ASAP1: variants seen among roughly 807,000 people sequenced by gnomAD.
ASAP1 encodes arf-GAP with SH3 domain, ANK repeat and PH domain-containing protein 1.
A neutral mutation model predicts 145.2 loss-of-function variants in ASAP1; 43 were observed. The ratio of observed to expected loss-of-function variants is 0.30; its 90% CI spans 0.23 to 0.38. The LOEUF (loss-of-function observed/expected upper bound fraction) is 0.38, where lower values mean the gene tolerates loss of function less well. ASAP1 is among the 10% of genes least tolerant of loss of function. The pLI, the probability that ASAP1 is intolerant of heterozygous loss-of-function variation, is 1.00. For synonymous variants in ASAP1, 546 were observed against 515.5 expected (o/e 1.06, Z -0.80); for missense variants, 1,018 against 1,355.3 (o/e 0.75, Z 3.91).
rs142087192 is a variant in ASAP1, at chr8:130,326,320, T to C, written c.186+31697A>G. ...ATGATTACAGTACTCATGCACCGACTTGCAAAGCCTGTGAATTCACCTGCC... is the reference window on the plus strand; with the variant it reads ...ATGATTACAGTACTCATGCACCGACCTGCAAAGCCTGTGAATTCACCTGCC... On this transcript the variant is annotated intron_variant, in intron 3 of 29. Coordinates refer to ENST00000518721, the MANE Select transcript of ASAP1 (RefSeq NM_018482.4). 1.2e-4 allele frequency among the ~76,000 whole-genome samples: 19 copies of C among 152,364 alleles called. No individual in the cohort carries two copies. The East Asian group carries it at 2.5e-3, about 20-fold the overall frequency.
In ASAP1 at chr8:130,395,628, G is replaced by A. The variant is rs1828491645; in HGVS notation, c.59+6257C>T. Reference sequence around the variant, plus strand: ...AGAGGAAGCACGACACTGCCAACACGTTGATCTTGAACTTCTGGCCTCCAA... The same window carrying A: ...AGAGGAAGCACGACACTGCCAACACATTGATCTTGAACTTCTGGCCTCCAA... On this transcript the variant is annotated intron_variant, in intron 2 of 29. Coordinates refer to ENST00000518721, the MANE Select transcript of ASAP1 (RefSeq NM_018482.4). 2.0e-5 allele frequency among the ~76,000 whole-genome samples: 3 copies of A among 151,978 alleles called. No homozygotes were observed. The South Asian group carries it at 6.2e-4, about 32-fold the overall frequency.
At chr8:130,357,382 C>T (rs915297642) in intron 3 of ASAP1, among the ~76,000 whole-genome samples, 5 of 152,230 alleles carry the variant, frequency 3.3e-5, no homozygotes, top group African/African-American at 9.6e-5. Flanking sequence ...CAGCCCTAAG[C>T]CCTACCAAAC....
intron 3 of ASAP1, among the ~76,000 whole-genome samples, chr8:130,346,242 A>C (rs1825697202): frequency 6.6e-6 from 1 of 152,242 alleles, no homozygotes; most frequent in African/African-American, 2.4e-5. Context: ...ATACGTGAAC[A>C]TGAATAAGAA....
intron 4 of ASAP1, among the ~76,000 whole-genome samples, chr8:130,235,637 A>G (rs1354402920): frequency 6.6e-6 from 1 of 152,226 alleles, no homozygotes; most frequent in African/African-American, 2.4e-5. Flanking sequence ...TTAGTTATCT[A>G]CCTTAATGAG....
intron 3 of ASAP1, among the ~76,000 whole-genome samples, chr8:130,321,560 G>A (rs1824006902): frequency 6.6e-6 from 1 of 151,874 alleles, no homozygotes; most frequent in Admixed American, 6.6e-5. Context: ...GAAGTCAGGG[G>A]GTGCATCCTA....
chr8:130,171,852 GAT>G (rs1405505321), intron 9 of ASAP1, among the ~76,000 whole-genome samples: 2 of 152,204 alleles, frequency 1.3e-5, no homozygotes, highest in African/African-American at 4.8e-5. Context: ...TCAAGGAAGG[GAT>G]ATATGCCCAG....
At chr8:130,187,343 T>C (rs1814803793) in intron 6 of ASAP1, 58 bp from the exon 7 acceptor site, 4 of 1,391,864 alleles carry the variant, frequency 2.9e-6, no homozygotes, top group Middle Eastern at 1.8e-4. Context: ...AATTAATAAA[T>C]AGTTTTGAAA....
At chr8:130,192,348 A>G (rs1404117898) in intron 5 of ASAP1, among the ~76,000 whole-genome samples, 2 of 151,882 alleles carry the variant, frequency 1.3e-5, no homozygotes. Flanking sequence ...ATGGGGGACT[A>G]TGTCTAAAAA....
intron 3 of ASAP1, among the ~76,000 whole-genome samples, chr8:130,288,738 C>T (rs1400771769): frequency 1.3e-5 from 2 of 152,162 alleles, no homozygotes; most frequent in Non-Finnish European, 2.9e-5. Flanking sequence ...AGGTAATCTG[C>T]CCCAGTAATC....
chr8:130,247,905 A>G (rs1586678162), intron 3 of ASAP1, among the ~76,000 whole-genome samples: 1 of 152,302 alleles, frequency 6.6e-6, no homozygotes, highest in East Asian at 1.9e-4. Flanking sequence ...GATCGCTGGC[A>G]TGTGTACCTG....
intron 15 of ASAP1, among the ~76,000 whole-genome samples, chr8:130,130,052 C>A (rs755248417): frequency 6.6e-6 from 1 of 152,352 alleles, no homozygotes; most frequent in South Asian, 2.1e-4. Flanking sequence ...CTCTATTTCG[C>A]TTTCCTCAGG....
At chr8:130,385,520 T>C (rs1163287072) in intron 2 of ASAP1, among the ~76,000 whole-genome samples, 2 of 152,208 alleles carry the variant, frequency 1.3e-5, no homozygotes, top group African/African-American at 4.8e-5. Context: ...GGTGGGGGCG[T>C]GCCCAAGAGA....
At chr8:130,339,700 A>G (rs1825258163) in intron 3 of ASAP1, among the ~76,000 whole-genome samples, 1 of 152,224 alleles carries the variant, frequency 6.6e-6, no homozygotes, top group Admixed American at 6.5e-5. Context: ...ACTAACTTAA[A>G]GAGGTATGTC....
At position 130,070,804 on chromosome 8, in the gene ASAP1, C is replaced by T. The variant is rs74499527; in HGVS notation, c.2701+5544G>A. On this transcript the variant is annotated intron_variant, in intron 27 of 29. Transcript: ENST00000518721. ...ACCTGAGGAACTCAAGGAGGAGATA[C>T]TCCTTGAGGGGAGAGAGGGAGAGAG... 4.0e-4 allele frequency among the ~76,000 whole-genome samples: 45 copies of T among 113,210 alleles called. No individual in the cohort carries two copies. The East Asian group carries it at 0.011, about 28-fold the overall frequency. The allele number at this position is 113,210 out of a possible 152,430, so 74.3% of individuals were successfully genotyped here.
At chr8:130,237,710 C>G (rs548638560) in intron 3 of ASAP1, among the ~76,000 whole-genome samples, 1 of 152,094 alleles carries the variant, frequency 6.6e-6, no homozygotes, top group Admixed American at 6.6e-5. Context: ...ACAGGATATA[C>G]CATTGTGTTT....
intron 25 of ASAP1, among the ~76,000 whole-genome samples, chr8:130,084,933 T>G (rs965818407): frequency 2.0e-5 from 3 of 152,216 alleles, no homozygotes; most frequent in African/African-American, 7.2e-5. Context: ...TTTTCATCCA[T>G]TATTTGCTCT....
At position 130,356,072 on chromosome 8, in the gene ASAP1, T is replaced by C. The variant is rs552272783; in HGVS notation, c.186+1945A>G. ...TTTTCTACCTAATCTTACAACAGTATTTCTCATAAAAAAAAATATTTGCTT... is the reference window on the plus strand; with the variant it reads ...TTTTCTACCTAATCTTACAACAGTACTTCTCATAAAAAAAAATATTTGCTT... On this transcript the variant is annotated intron_variant, in intron 3 of 29. Coordinates refer to ENST00000518721, the MANE Select transcript of ASAP1 (RefSeq NM_018482.4). Among the ~76,000 whole-genome samples the C allele has an allele frequency of 2.1e-5, 3 of 141,472 alleles. No individual in the cohort carries two copies. The East Asian group carries it at 6.1e-4, about 29-fold the overall frequency. The allele number at this position is 141,472 out of a possible 152,430, so 92.8% of individuals were successfully genotyped here.
intron 3 of ASAP1, among the ~76,000 whole-genome samples, chr8:130,330,188 C>T (rs1488968032): frequency 1.3e-5 from 2 of 152,218 alleles, no homozygotes; most frequent in Non-Finnish European, 2.9e-5. Flanking sequence ...AGAGAGATTG[C>T]TTCATCAAAC....
intron 3 of ASAP1, among the ~76,000 whole-genome samples, chr8:130,353,679 G>A (rs1826131494): frequency 6.6e-6 from 1 of 152,152 alleles, no homozygotes; most frequent in Admixed American, 6.5e-5. Flanking sequence ...AGACCAGCCT[G>A]GCCAACATGA....
Sources: gnomAD v4.1 joint callset for allele counts (sites outside exome capture counted in the v4.1 genomes callset) on GRCh38, gnomAD v4.1.1 for gene constraint, MANE v1.5 for transcripts, NCBI Gene and HGNC (gene_info 2026-07-23, HGNC 2026-07-21) for gene names.